Variants in RERE observed in about 807,000 individuals in gnomAD.
RERE encodes arginine-glutamic acid dipeptide repeats protein.
In RERE, 40 loss-of-function variants were observed where a neutral mutation model predicts 146.1. The ratio of observed to expected loss-of-function variants is 0.27; its 90% CI spans 0.21 to 0.36. RERE has a LOEUF of 0.36. Ranked by LOEUF, RERE falls within the 10% of genes least tolerant of loss-of-function variation. The probability of loss-of-function intolerance (pLI) is 1.00; values close to 1 mark genes in which losing one functional copy is unlikely to be tolerated. For synonymous variants in RERE, 1,003 were observed against 866.0 expected (o/e 1.16, Z -2.78); for missense variants, 1,933 against 2,138.7 (o/e 0.90, Z 1.90).
At chr1:8,590,783 AC>A (rs1557700000) in intron 4 of RERE, 1 of 152,140 alleles carries the variant, frequency 6.6e-6, no homozygotes, top group East Asian at 1.9e-4. Context: ...TCCTTCACTT[AC>A]CTGTGAGGTT....
At chr1:8,418,940 G>A (rs1236206446) in intron 12 of RERE, among the ~76,000 whole-genome samples, 4 of 152,062 alleles carry the variant, frequency 2.6e-5, no homozygotes, top group African/African-American at 9.7e-5. Flanking sequence ...TTCAGACACC[G>A]GGCGCTCTGT....
chr1:8,412,299 G>A lies in RERE; in HGVS notation c.1284+10428C>T, dbSNP rs185544236. Reference sequence around the variant, plus strand: ...ATTGCTCCCGACACCCTCTGTGGTGGTTCACTCATACAGCAAAGACACGGG... The same window carrying A: ...ATTGCTCCCGACACCCTCTGTGGTGATTCACTCATACAGCAAAGACACGGG... On this transcript the variant is annotated intron_variant, in intron 12 of 22. Coordinates refer to ENST00000400908, the MANE Select transcript of RERE (RefSeq NM_001042681.2). 2.3e-3 allele frequency among the ~76,000 whole-genome samples: 344 copies of A among 152,302 alleles called. 2 individuals carry two copies. Among genetic ancestry groups the A allele is most frequent in the Non-Finnish European group, 3.0e-3 (206 of 68,028 alleles).
chr1:8,599,250 C>T (rs1646592411), intron 4 of RERE, among the ~76,000 whole-genome samples: 1 of 152,170 alleles, frequency 6.6e-6, no homozygotes, highest in South Asian at 2.1e-4. Context: ...GAAATCCTAC[C>T]AGCCACCTAA....
At chr1:8,794,359 A>AG (rs1253480016) in intron 1 of RERE, among the ~76,000 whole-genome samples, 1 of 142,986 alleles carries the variant, frequency 7.0e-6, no homozygotes, top group Non-Finnish European at 1.5e-5. Flanking sequence ...CTCCGTCTCA[A>AG]AAAAAAAAAA....
chr1:8,644,751 C>T (rs1647244794), intron 2 of RERE, among the ~76,000 whole-genome samples: 1 of 152,124 alleles, frequency 6.6e-6, no homozygotes, highest in Admixed American at 6.5e-5. Context: ...CCAACTCAGT[C>T]TCCTGAGGAG....
In RERE at chr1:8,722,517, T is replaced by C. The variant is rs114880219; in HGVS notation, c.-144-66076A>G. On this transcript the variant is annotated intron_variant, in intron 1 of 22. Transcript: ENST00000400908. ...AGAGACAAAGGTGTTAAGTAACATCTGTTCAATAAAGCCACAGACTTGGCC... is the reference window on the plus strand; with the variant it reads ...AGAGACAAAGGTGTTAAGTAACATCCGTTCAATAAAGCCACAGACTTGGCC... 8.1e-3 allele frequency among the ~76,000 whole-genome samples: 1,236 copies of C among 152,332 alleles called. 13 individuals carry two copies. The highest frequency in any genetic ancestry group is 0.028 in the African/African-American group (1,184 of 41,570).
chr1:8,766,561 A>AG (rs1367058350), intron 1 of RERE, among the ~76,000 whole-genome samples: 1 of 151,452 alleles, frequency 6.6e-6, no homozygotes, highest in African/African-American at 2.4e-5. Context: ...AAAAAAAAAA[A>AG]AAGAAAAGAA....
At chr1:8,477,071 T>G (rs114199822) in intron 10 of RERE, among the ~76,000 whole-genome samples, 2,017 of 152,348 alleles carry the variant, frequency 0.013, 45 homozygotes, top group African/African-American at 0.046. Flanking sequence ...GCCTCTTAAT[T>G]TTCAAGTCTC....
chr1:8,410,447 A>C (rs961757960), intron 12 of RERE, among the ~76,000 whole-genome samples: 1 of 152,208 alleles, frequency 6.6e-6, no homozygotes, highest in South Asian at 2.1e-4. Context: ...GAATCCTCTA[A>C]GTCTCCAAGG....
At position 8,361,416 on chromosome 1, in the gene RERE, A is replaced by G. The variant is rs757665902; in HGVS notation, c.2091T>C (p.Gly697=). 53 of 1,613,658 alleles carry G rather than the reference A, an allele frequency of 3.3e-5. No homozygotes were observed. Among genetic ancestry groups the G allele is most frequent in the Non-Finnish European group, 4.2e-5 (49 of 1,179,902 alleles). ...SSDSRSVNDE[G]SSDPKDIDQD... is the part of the protein sequence containing the mutation. Reference sequence around the variant, plus strand: ...GGTCGATGTCTTTGGGGTCACTGCTACCCTCATCGTTGACGCTGCGACTGT... The same window carrying G: ...GGTCGATGTCTTTGGGGTCACTGCTGCCCTCATCGTTGACGCTGCGACTGT... The change falls in exon 18 of 23, where the codon GGT becomes GGC. Residue 697 remains glycine, a synonymous_variant. Coordinates refer to ENST00000400908, the MANE Select transcript of RERE (RefSeq NM_001042681.2).
intron 12 of RERE, 108 bp downstream of exon 12, chr1:8,422,619 C>A: frequency 1.3e-6 from 1 of 794,680 alleles, no homozygotes; most frequent in African/African-American, 1.7e-5. Flanking sequence ...CAGCCCGAGT[C>A]TGAGCACAGC....
At chr1:8,359,614 G>A in intron 19 of RERE, 150 bp downstream of exon 19, 2 of 866,236 alleles carry the variant, frequency 2.3e-6, no homozygotes, top group Admixed American at 2.0e-5. Context: ...CCCGTCAGAG[G>A]TGTGGAGACA....
In RERE at chr1:8,634,254, GTTCTATTCA is replaced by G. The variant is rs199765132; in HGVS notation, c.326-9883_326-9875del. On this transcript the variant is annotated intron_variant, in intron 2 of 22. Transcript: ENST00000400908. ...CCCAAATGCCACCAACTTACAACCT[GTTCTATTCA>G]GTTATCTGCCCACTCAATGCCTATT... 3.7e-4 allele frequency among the ~76,000 whole-genome samples: 57 copies of G among 152,214 alleles called. No homozygotes were observed. In the East Asian group the frequency reaches 0.011, roughly 28 times the overall value.
intron 1 of RERE, among the ~76,000 whole-genome samples, chr1:8,760,207 A>C (rs1640726712): frequency 6.6e-6 from 1 of 152,136 alleles, no homozygotes; most frequent in Admixed American, 6.6e-5. Flanking sequence ...TTGTATTTTC[A>C]GTAGAGACGG....
At chr1:8,713,245 C>T (rs1639702354) in intron 1 of RERE, among the ~76,000 whole-genome samples, 1 of 152,176 alleles carries the variant, frequency 6.6e-6, no homozygotes, top group Non-Finnish European at 1.5e-5. Flanking sequence ...AGAATTGGTG[C>T]TTGCCATTTG....
At chr1:8,477,416 T>A (rs1644770602) in intron 10 of RERE, among the ~76,000 whole-genome samples, 1 of 152,202 alleles carries the variant, frequency 6.6e-6, no homozygotes, top group Non-Finnish European at 1.5e-5. Context: ...AAGACCTATG[T>A]CTGGCCACAA....
chr1:8,760,422 G>T (rs924146697), intron 1 of RERE, among the ~76,000 whole-genome samples: 2 of 152,120 alleles, frequency 1.3e-5, no homozygotes, highest in Non-Finnish European at 2.9e-5. Flanking sequence ...GCCAAAAATC[G>T]GAGATGAATT....
chr1:8,543,206 T>A (rs1645820121), intron 6 of RERE, among the ~76,000 whole-genome samples: 2 of 152,194 alleles, frequency 1.3e-5, no homozygotes, highest in Non-Finnish European at 2.9e-5. Flanking sequence ...CAGAACTGCC[T>A]CTTCTAGTAT....
intron 11 of RERE, among the ~76,000 whole-genome samples, chr1:8,453,434 A>G (rs962479578): frequency 2.6e-5 from 4 of 152,190 alleles, no homozygotes; most frequent in African/African-American, 9.7e-5. Flanking sequence ...TTCTCTAGGC[A>G]AAGCTCCTTT....
Sources: gnomAD v4.1 joint callset for allele counts (sites outside exome capture counted in the v4.1 genomes callset) on GRCh38, gnomAD v4.1.1 for gene constraint, MANE v1.5 for transcripts, NCBI Gene and HGNC (gene_info 2026-07-23, HGNC 2026-07-21) for gene names.